The following ST6GAL1 variants were observed in gnomAD, a reference collection of about 807,000 sequenced individuals.
ST6GAL1 encodes the protein beta-galactoside alpha-2,6-sialyltransferase 1.
ST6GAL1 carries 20 observed loss-of-function variants against 38.0 expected under a neutral mutation model. The ratio of observed to expected loss-of-function variants is 0.53; its 90% CI spans 0.37 to 0.77. The LOEUF (loss-of-function observed/expected upper bound fraction) is 0.77. Ranked by LOEUF, ST6GAL1 falls within the 30% of genes least tolerant of loss-of-function variation. ST6GAL1 has a pLI of 0.00. For synonymous variants in ST6GAL1, 196 were observed against 188.2 expected (o/e 1.04, Z -0.34); for missense variants, 432 against 496.4 (o/e 0.87, Z 1.23).
intron 2 of ST6GAL1, among the ~76,000 whole-genome samples, chr3:186,969,591 G>A (rs1237202088): frequency 6.6e-6 from 1 of 152,192 alleles, no homozygotes; most frequent in African/African-American, 2.4e-5. Flanking sequence ...TATTGGATAT[G>A]CTTTGCAAAA....
At chr3:186,937,784 T>C (rs1012410904) in intron 1 of ST6GAL1, among the ~76,000 whole-genome samples, 1 of 152,246 alleles carries the variant, frequency 6.6e-6, no homozygotes, top group South Asian at 2.1e-4. Context: ...TTAAAATATC[T>C]GTGAAGAGCC....
intron 1 of ST6GAL1, among the ~76,000 whole-genome samples, chr3:186,939,351 G>A (rs1319975375): frequency 6.6e-6 from 1 of 152,116 alleles, no homozygotes; most frequent in African/African-American, 2.4e-5. Flanking sequence ...GGGATTACAG[G>A]CATAAGCCAC....
chr3:186,972,300 G>A (rs1715377223), intron 2 of ST6GAL1, among the ~76,000 whole-genome samples: 1 of 151,292 alleles, frequency 6.6e-6, no homozygotes, highest in Non-Finnish European at 1.5e-5. Flanking sequence ...AGGCTGGAGT[G>A]CGCCTGGGAG....
chr3:187,063,962 G>A (rs1203122163), intron 5 of ST6GAL1, among the ~76,000 whole-genome samples: 1 of 152,106 alleles, frequency 6.6e-6, no homozygotes, highest in Non-Finnish European at 1.5e-5. Context: ...TCACCCAGAG[G>A]CTGGTATGCA....
chr3:187,051,435 G>A (rs1718510743), intron 5 of ST6GAL1, 89 bp downstream of exon 5: 3 of 1,223,498 alleles, frequency 2.5e-6, no homozygotes, highest in Non-Finnish European at 3.5e-6. Flanking sequence ...GCATATCTAG[G>A]CTGCCAATTA....
intron 1 of ST6GAL1, among the ~76,000 whole-genome samples, chr3:186,953,226 C>T (rs1319335668): frequency 6.6e-6 from 1 of 152,202 alleles, no homozygotes; most frequent in East Asian, 1.9e-4. Context: ...TCCTCTTTTA[C>T]TCAGAGCTTA....
chr3:187,057,962 T>C (rs1345069345), intron 5 of ST6GAL1, among the ~76,000 whole-genome samples: 2 of 152,116 alleles, frequency 1.3e-5, no homozygotes, highest in Non-Finnish European at 2.9e-5. Context: ...ACTTCGAGCT[T>C]CCAGGGCTGC....
chr3:187,003,149 G>A (rs1232547438), intron 2 of ST6GAL1, among the ~76,000 whole-genome samples: 1 of 151,376 alleles, frequency 6.6e-6, no homozygotes, highest in East Asian at 1.9e-4. Context: ...TGAGTCCAAA[G>A]GCAGGGGGAA....
chr3:187,044,859 A>T (rs1261079399), intron 4 of ST6GAL1, among the ~76,000 whole-genome samples: 1 of 152,274 alleles, frequency 6.6e-6, no homozygotes, highest in African/African-American at 2.4e-5. Flanking sequence ...CTTCAAAATA[A>T]GGATTTCCAC....
At chr3:187,031,899 C>T (rs769069646) in intron 2 of ST6GAL1, among the ~76,000 whole-genome samples, 1 of 152,188 alleles carries the variant, frequency 6.6e-6, no homozygotes. Flanking sequence ...GGGCTCTTGT[C>T]TTGATAAATC....
chr3:187,000,394 A>G (rs1245477959), intron 2 of ST6GAL1, among the ~76,000 whole-genome samples: 1 of 102,748 alleles, frequency 9.7e-6, no homozygotes, highest in Non-Finnish European at 2.0e-5. Flanking sequence ...TACTAAAAAT[A>G]CAAAAAAAAA....
At chr3:186,960,424 C>G (rs1357299499) in intron 1 of ST6GAL1, among the ~76,000 whole-genome samples, 2 of 152,168 alleles carry the variant, frequency 1.3e-5, no homozygotes, top group Admixed American at 6.5e-5. Flanking sequence ...GGCTGGGCCT[C>G]GAGAGGAAAG....
intron 2 of ST6GAL1, among the ~76,000 whole-genome samples, chr3:186,989,295 A>G (rs1223058140): frequency 6.6e-6 from 1 of 152,356 alleles, no homozygotes; most frequent in Admixed American, 6.5e-5. Context: ...GGAAAAAAGA[A>G]CAGACGTTTG....
chr3:186,979,501 A>C (rs1715623128), intron 2 of ST6GAL1, among the ~76,000 whole-genome samples: 1 of 152,100 alleles, frequency 6.6e-6, no homozygotes, highest in Admixed American at 6.5e-5. Context: ...GGGATTTTGG[A>C]TGGTCCCCAA....
chr3:187,043,284 A>C lies in ST6GAL1; in HGVS notation c.581A>C (p.Lys194Thr). 1.2e-6 allele frequency: 2 copies of C among 1,613,998 alleles called. No homozygotes were observed. Among genetic ancestry groups the C allele is most frequent in the Non-Finnish European group, 1.7e-6 (2 of 1,179,970 alleles). Residue 194 changes from lysine to threonine, a missense_variant, in exon 4 of 8, where the codon AAG (lysine) becomes ACG (threonine). Physicochemically the swap from Lys to Thr is moderately conservative, Grantham distance 78. Coordinates refer to ENST00000169298, the MANE Select transcript of ST6GAL1 (RefSeq NM_173216.2). ...GTTGTGTCGTCAGCGGGATCTCTGA[A>C]GTCCTCCCAACTAGGCAGAGAAATC... is the stretch of plus-strand genomic sequence containing the variant. ...CAVVSSAGSLKSSQLGREIDD... is the reference protein window; with the variant it reads ...CAVVSSAGSLTSSQLGREIDD...
At chr3:186,946,218 C>A (rs1579259517) in intron 1 of ST6GAL1, among the ~76,000 whole-genome samples, 1 of 151,460 alleles carries the variant, frequency 6.6e-6, no homozygotes, top group African/African-American at 2.4e-5. Context: ...GGGGCTGAGG[C>A]AGAAGAGTGG....
Position 186,934,760 on chromosome 3 carries a change from G to GTATTTATT in ST6GAL1, c.-325+3940_-325+3947dup, listed in dbSNP as rs937293065. ...CTTTTAAAAAATTTTATTTATTTAT[G>GTATTTATT]TATTTATTTATTTATTTATTTTTTC... is the stretch of plus-strand genomic sequence containing the variant. On this transcript the variant is annotated intron_variant, in intron 1 of 7. Transcript: ENST00000169298. Among the ~76,000 whole-genome samples the GTATTTATT allele has an allele frequency of 2.0e-4, 4 of 20,076 alleles. No individual in the cohort carries two copies. The East Asian group carries it at 2.3e-3, about 12-fold the overall frequency. The allele number at this position is 20,076 out of a possible 152,430, so 13.2% of individuals were successfully genotyped here.
At chr3:186,989,687 T>C (rs1183305569) in intron 2 of ST6GAL1, among the ~76,000 whole-genome samples, 1 of 152,250 alleles carries the variant, frequency 6.6e-6, no homozygotes, top group Non-Finnish European at 1.5e-5. Flanking sequence ...CTTTGTGTAT[T>C]TGACTTGCTG....
At chr3:186,982,429 A>G (rs527732315) in intron 2 of ST6GAL1, among the ~76,000 whole-genome samples, 3 of 152,352 alleles carry the variant, frequency 2.0e-5, no homozygotes, top group Admixed American at 6.5e-5. Context: ...ATCATGGCAG[A>G]CAGTTAGGGG....
Sources: allele counts gnomAD v4.1 joint callset (sites outside exome capture counted in the v4.1 genomes callset), GRCh38; gene constraint gnomAD v4.1.1; transcripts MANE v1.5; gene names NCBI Gene and HGNC (gene_info 2026-07-23, HGNC 2026-07-21).